PIKFYVE: variants seen among roughly 807,000 people sequenced by gnomAD.
PIKFYVE encodes the protein 1-phosphatidylinositol 3-phosphate 5-kinase.
A neutral mutation model predicts 257.9 loss-of-function variants in PIKFYVE; 122 were observed. That is an observed-to-expected ratio of 0.47 (90% CI 0.41 to 0.55). PIKFYVE has a LOEUF of 0.55. Among genes scored for constraint, PIKFYVE ranks in the 20% least tolerant of loss-of-function variants. PIKFYVE has a pLI of 0.00. For synonymous variants in PIKFYVE, 892 were observed against 868.9 expected, an observed-to-expected ratio of 1.03 and a Z score of -0.47; for missense variants, 2,160 against 2,536.6, an observed-to-expected ratio of 0.85 and a Z score of 3.19.
rs550711719 is a variant in PIKFYVE at position 208,274,472 on chromosome 2, C to G, written c.322+739C>G. On this transcript the variant is annotated intron_variant, in intron 3 of 41. Transcript: ENST00000264380. ...GGATGCAGCATTGGGAATTAGATGC[C>G]CCAGAACACCAGATCTCGTCTGGTG... is the stretch of plus-strand genomic sequence containing the variant. Among the ~76,000 whole-genome samples the G allele has an allele frequency of 2.2e-4, 33 of 152,172 alleles. 1 individual carries two copies. The highest frequency in any genetic ancestry group is 8.0e-4 in the African/African-American group (33 of 41,502).
At chr2:208,328,343 A>T (rs1281151755) in intron 21 of PIKFYVE, 63 bp downstream of exon 21, 1 of 1,602,380 alleles carries the variant, frequency 6.2e-7, no homozygotes, top group African/African-American at 1.3e-5. Context: ...TTAAAAAAAA[A>T]CAAAAACAAA....
rs1189539018 is a variant in PIKFYVE at position 208,273,734 on chromosome 2, G to A, written c.322+1G>A. ...CTCCAGCGGCGCTCTTCAGCATTAG[G>A]TAAAACAGTGTTCTTATTTCATTCC... On this transcript the variant is annotated splice_donor_variant, in intron 3 of 41. Transcript: ENST00000264380. LOFTEE classifies it high-confidence loss of function. 5.0e-6 allele frequency: 8 copies of A among 1,613,956 alleles called. No homozygotes were observed. Among genetic ancestry groups the A allele is most frequent in the African/African-American group, 1.3e-5 (1 of 74,926 alleles).
At chr2:208,320,105 A>G in intron 16 of PIKFYVE, 147 bp from the exon 17 acceptor site, 1 of 1,207,378 alleles carries the variant, frequency 8.3e-7, no homozygotes, top group Non-Finnish European at 1.1e-6. Context: ...AATACCGTAA[A>G]AGAACTAAAT....
Position 208,324,207 on chromosome 2 carries a change from T to G in PIKFYVE, c.2256T>G (p.Val752=). 1 of 1,614,032 alleles carries G rather than the reference T, an allele frequency of 6.2e-7. No homozygotes were observed. Among genetic ancestry groups the G allele is most frequent in the Non-Finnish European group, 8.5e-7 (1 of 1,179,898 alleles). The part of the protein sequence containing the change: ...IVDVRPTLVL[V]EKTVSRIAQD... ...ATGTTCGACCCACCTTGGTTCTTGT[T>G]GAGAAAACAGTGTCTCGGATTGCCC... The change falls in exon 18 of 42, where the codon GTT becomes GTG. Residue 752 remains valine, a synonymous_variant. Coordinates refer to ENST00000264380, the MANE Select transcript of PIKFYVE (RefSeq NM_015040.4).
At position 208,324,918 on chromosome 2, in the gene PIKFYVE, T is replaced by C. The variant is rs1696742627; in HGVS notation, c.2339T>C (p.Leu780Ser). The part of the protein sequence containing the change: ...TLVINVKSQV[L>S]ERISRMTQGD... ...TGTTTTTCTGTTTTGTAGCAAGTTTTGGAACGAATCAGTCGAATGACCCAA... is the reference window on the plus strand; with the variant it reads ...TGTTTTTCTGTTTTGTAGCAAGTTTCGGAACGAATCAGTCGAATGACCCAA... Residue 780 changes from leucine (L) to serine (S), a missense_variant, in exon 19 of 42, where the codon TTG (leucine) becomes TCG (serine). Around this residue, in one of 12 missense-constraint regions of PIKFYVE, gnomAD observed 346 missense variants for 365.6 expected, o/e 0.95. Coordinates refer to ENST00000264380, the MANE Select transcript of PIKFYVE (RefSeq NM_015040.4). 10 of 1,614,044 alleles carry C rather than the reference T, an allele frequency of 6.2e-6. No individual in the cohort carries two copies. The highest frequency in any genetic ancestry group is 8.5e-6 in the Non-Finnish European group (10 of 1,179,904).
At chr2:208,315,874 T>C (rs907900027) in intron 15 of PIKFYVE, among the ~76,000 whole-genome samples, 1 of 152,050 alleles carries the variant, frequency 6.6e-6, no homozygotes, top group Non-Finnish European at 1.5e-5. Flanking sequence ...TCTCTTTCTT[T>C]TTTTTTAATT....
At chr2:208,314,996 G>A (rs924781403) in intron 14 of PIKFYVE, among the ~76,000 whole-genome samples, 197 bp from the exon 15 acceptor site, 7 of 152,132 alleles carry the variant, frequency 4.6e-5, no homozygotes, top group Admixed American at 4.6e-4. Flanking sequence ...CTTCTTAGTG[G>A]AAGATATTCA....
chr2:208,321,938 T>C (rs1329573356), intron 17 of PIKFYVE, among the ~76,000 whole-genome samples: 1 of 152,224 alleles, frequency 6.6e-6, no homozygotes, highest in Non-Finnish European at 1.5e-5. Flanking sequence ...TCTTTAACTG[T>C]AGCTGTTCTA....
chr2:208,285,978 G>T (rs771338324), intron 6 of PIKFYVE, 45 bp downstream of exon 6: 6 of 1,566,660 alleles, frequency 3.8e-6, no homozygotes, highest in Non-Finnish European at 4.4e-6. Flanking sequence ...GAAAAATATC[G>T]ATAGTTGTCT....
chr2:208,273,970 CA>C, intron 3 of PIKFYVE: 1 of 1,580,756 alleles, frequency 6.3e-7, no homozygotes, highest in South Asian at 1.1e-5. Context: ...TTAGGCAAGG[CA>C]CAGATTTCTT....
In PIKFYVE at chr2:208,352,662, G is replaced by A. The variant is rs148646565; in HGVS notation, c.5724G>A (p.Thr1908=). 81 of 1,613,238 alleles carry A rather than the reference G, an allele frequency of 5.0e-5. No individual in the cohort carries two copies. The African/African-American group carries it at 9.7e-4, about 19-fold the overall frequency. The change falls in exon 39 of 42, where the codon ACG becomes ACA. Residue 1908 remains threonine, a synonymous_variant. Transcript: ENST00000264380. ...ITNAVQQKRP[T]ALAKILGVYR... ...GACCTTCTCTTGATTAGAGGCCCAC[G>A]GCGTTGGCCAAAATTCTTGGAGTTT...
At chr2:208,296,716 T>A (rs1295011427) in intron 7 of PIKFYVE, among the ~76,000 whole-genome samples, 1 of 151,954 alleles carries the variant, frequency 6.6e-6, no homozygotes, top group East Asian at 1.9e-4. Context: ...GAGAGGCCAG[T>A]GAGGGGACAG....
chr2:208,302,606 T>G (rs578163346), intron 10 of PIKFYVE: 19 of 444,112 alleles, frequency 4.3e-5, no homozygotes, highest in African/African-American at 3.6e-4. Context: ...TCAAACACTT[T>G]TTTCAGTTGG....
intron 32 of PIKFYVE, among the ~76,000 whole-genome samples, chr2:208,343,311 A>G (rs1016299264): frequency 6.6e-6 from 1 of 152,124 alleles, no homozygotes; most frequent in African/African-American, 2.4e-5. Flanking sequence ...GTACAATCTG[A>G]ATATCTTTTT....
At chr2:208,300,583 A>G (rs1206272511) in intron 8 of PIKFYVE, among the ~76,000 whole-genome samples, 4 of 152,226 alleles carry the variant, frequency 2.6e-5, no homozygotes, top group African/African-American at 9.6e-5. Context: ...GTGGAGTGAA[A>G]GCCTCTAGGA....
At position 208,326,341 on chromosome 2, in the gene PIKFYVE, C is replaced by T; in HGVS notation, c.3530C>T (p.Ser1177Leu). ...CCTTTTGCTCATTCAAAGGATGCAT[C>T]AAGTACTTCAAGTGGCCAATCAGGA... ...SDPFAHSKDA[S>L]STSSGQSGSK... The change falls in exon 20 of 42, where the codon TCA becomes TTA. Residue 1177 changes from serine (S) to leucine (L), a missense_variant. Physicochemically the swap from Ser to Leu is moderately radical, Grantham distance 145. Coordinates refer to ENST00000264380, the MANE Select transcript of PIKFYVE (RefSeq NM_015040.4). 1 of 1,613,620 alleles carries T rather than the reference C, an allele frequency of 6.2e-7. No individual in the cohort carries two copies.
chr2:208,333,612 T>G (rs1697803216), intron 24 of PIKFYVE, 119 bp downstream of exon 24: 1 of 1,092,654 alleles, frequency 9.2e-7, no homozygotes, highest in Non-Finnish European at 1.3e-6. Flanking sequence ...TTTATACCCT[T>G]ATAAATGCAG....
At position 208,300,970 on chromosome 2, in the gene PIKFYVE, A is replaced by G. The variant is rs1693607659; in HGVS notation, c.1084A>G (p.Ile362Val). Residue 362 changes from isoleucine to valine, a missense_variant, in exon 9 of 42, where the codon ATC becomes GTC. Ile to Val is a conservative substitution (Grantham distance 29). Coordinates refer to ENST00000264380, the MANE Select transcript of PIKFYVE (RefSeq NM_015040.4). The stretch of plus-strand genomic sequence containing the variant: ...GCAGTTAAAAGACCTGTGGAAAAAA[A>G]TCTGCCATCACAGCAGTGGAATGGA... ...SVQLKDLWKK[I>V]CHHSSGMEFQ... The G allele has an allele frequency of 1.2e-6, 2 of 1,614,134 alleles. No homozygotes were observed. Among genetic ancestry groups the G allele is most frequent in the East Asian group, 2.2e-5 (1 of 44,866 alleles).
intron 5 of PIKFYVE, among the ~76,000 whole-genome samples, chr2:208,279,917 A>C (rs997576899): frequency 6.6e-6 from 1 of 152,220 alleles, no homozygotes; most frequent in Admixed American, 6.5e-5. Flanking sequence ...AAGCAAAAAG[A>C]ACAAGGCAGG....
Sources: allele counts gnomAD v4.1 joint callset (sites outside exome capture counted in the v4.1 genomes callset), GRCh38; gene constraint gnomAD v4.1.1; regional missense constraint gnomAD v4.1.1; transcripts MANE v1.5; gene names NCBI Gene and HGNC (gene_info 2026-07-23, HGNC 2026-07-21).